Variants in PRKG1 observed in about 807,000 individuals in gnomAD.
PRKG1 encodes the protein protein kinase cGMP-dependent 1.
In PRKG1, 35 loss-of-function variants were observed where a neutral mutation model predicts 88.1. That is an observed-to-expected ratio of 0.40 (90% CI 0.30 to 0.53). The LOEUF (loss-of-function observed/expected upper bound fraction) is 0.53, where lower values mean the gene tolerates loss of function less well. PRKG1 is among the 20% of genes least tolerant of loss of function. The pLI, the probability that PRKG1 is intolerant of heterozygous loss-of-function variation, is 0.59. For synonymous variants in PRKG1, 303 were observed against 292.5 expected, an observed-to-expected ratio of 1.04 and a Z score of -0.37; for missense variants, 540 against 839.8, an observed-to-expected ratio of 0.64 and a Z score of 4.41.
chr10:51,671,155 T>C (rs567190660), intron 3 of PRKG1, among the ~76,000 whole-genome samples: 1 of 151,682 alleles, frequency 6.6e-6, no homozygotes, highest in South Asian at 2.1e-4. Flanking sequence ...AAGTAAGATC[T>C]TTCTTAAGTA....
chr10:51,884,726 G>A (rs1159030089), intron 4 of PRKG1, among the ~76,000 whole-genome samples: 1 of 152,104 alleles, frequency 6.6e-6, no homozygotes, highest in Non-Finnish European at 1.5e-5. Context: ...AGTAGTTTAG[G>A]ATGAGATTCT....
At chr10:51,707,488 C>T (rs1230427803) in intron 3 of PRKG1, among the ~76,000 whole-genome samples, 1 of 152,136 alleles carries the variant, frequency 6.6e-6, no homozygotes, top group Non-Finnish European at 1.5e-5. Flanking sequence ...AGGCTGTCAC[C>T]CGAAGGAACG....
intron 9 of PRKG1, among the ~76,000 whole-genome samples, chr10:52,203,649 T>C (rs1333438152): frequency 1.3e-5 from 2 of 152,232 alleles, no homozygotes; most frequent in East Asian, 3.8e-4. Flanking sequence ...TGGTTACCTG[T>C]TTCTTTGTAG....
At chr10:51,165,519 T>A (rs1042129189) in intron 2 of PRKG1, among the ~76,000 whole-genome samples, 2 of 152,132 alleles carry the variant, frequency 1.3e-5, no homozygotes, top group African/African-American at 4.8e-5. Context: ...AACATCATAA[T>A]GACAGGATCA....
chr10:51,198,218 C>T (rs1444578682), intron 2 of PRKG1, among the ~76,000 whole-genome samples: 2 of 152,106 alleles, frequency 1.3e-5, no homozygotes, highest in Non-Finnish European at 2.9e-5. Context: ...CTTTCTTAGA[C>T]TCAACTGGAG....
chr10:51,252,532 A>C (rs1262495351), intron 2 of PRKG1, among the ~76,000 whole-genome samples: 2 of 148,392 alleles, frequency 1.3e-5, no homozygotes, highest in Admixed American at 6.7e-5. Flanking sequence ...AATGCAAAAC[A>C]AAAAAAAATC....
chr10:51,925,135 T>G (rs1842545855), intron 5 of PRKG1, among the ~76,000 whole-genome samples: 1 of 152,072 alleles, frequency 6.6e-6, no homozygotes, highest in Non-Finnish European at 1.5e-5. Flanking sequence ...TCGTAATTTT[T>G]TTGAAATTTG....
intron 3 of PRKG1, among the ~76,000 whole-genome samples, chr10:51,537,116 G>C (rs1019792807): frequency 2.1e-4 from 32 of 152,188 alleles, no homozygotes; most frequent in African/African-American, 7.5e-4. Flanking sequence ...TGCAAAATGG[G>C]TTCTGACAGG....
intron 2 of PRKG1, among the ~76,000 whole-genome samples, chr10:51,161,679 A>AT (rs1469153454): frequency 6.6e-6 from 1 of 152,012 alleles, no homozygotes; most frequent in Non-Finnish European, 1.5e-5. Context: ...AAAGGTACAC[A>AT]TTTTTCCCAT....
Position 52,181,530 on chromosome 10 carries a change from C to T in PRKG1, c.1076+19567C>T, listed in dbSNP as rs111239703. On this transcript the variant is annotated intron_variant, in intron 9 of 17. Transcript: ENST00000373980. ...CATGTGCCATGCTGGTGCACTGCAC[C>T]CACTAATGTGTCATCTAGCATTAGG... Among the ~76,000 whole-genome samples, 1,008 of 121,124 alleles carry T rather than the reference C, an allele frequency of 8.3e-3. 23 individuals are homozygous for T. Among genetic ancestry groups the T allele is most frequent in the African/African-American group, 0.031 (951 of 30,958 alleles). The allele number at this position is 121,124 out of a possible 152,430, so 79.5% of individuals were successfully genotyped here.
At chr10:52,106,457 G>C (rs555972396) in intron 7 of PRKG1, among the ~76,000 whole-genome samples, 1 of 152,036 alleles carries the variant, frequency 6.6e-6, no homozygotes, top group Non-Finnish European at 1.5e-5. Flanking sequence ...GGTGAGAACA[G>C]TAACTTATGT....
At chr10:51,132,487 G>A (rs1416066033) in intron 1 of PRKG1, among the ~76,000 whole-genome samples, 1 of 151,914 alleles carries the variant, frequency 6.6e-6, no homozygotes, top group African/African-American at 2.4e-5. Context: ...GCTATTTCTT[G>A]TGTCTTCCCT....
intron 5 of PRKG1, among the ~76,000 whole-genome samples, chr10:51,991,097 T>A (rs184706980): frequency 4.6e-5 from 7 of 152,344 alleles, no homozygotes; most frequent in African/African-American, 1.4e-4. Context: ...TTATAGCCAT[T>A]GTAAATGGGA....
chr10:51,933,294 A>AG (rs1842733287), intron 5 of PRKG1, among the ~76,000 whole-genome samples: 5 of 152,196 alleles, frequency 3.3e-5, no homozygotes, highest in African/African-American at 1.2e-4. Context: ...TGAAATCCAG[A>AG]GTTTTTTTCA....
chr10:52,210,603 G>T (rs1839945603), intron 9 of PRKG1, among the ~76,000 whole-genome samples: 1 of 152,060 alleles, frequency 6.6e-6, no homozygotes, highest in South Asian at 2.1e-4. Context: ...CCATCACTGT[G>T]TGCAAATATT....
At chr10:51,253,912 G>C (rs779781235) in intron 2 of PRKG1, among the ~76,000 whole-genome samples, 1 of 151,858 alleles carries the variant, frequency 6.6e-6, no homozygotes, top group African/African-American at 2.4e-5. Context: ...GTTGCATATT[G>C]TTTTTCTGTT....
Position 51,540,890 on chromosome 10 carries a change from T to G in PRKG1, c.592+73054T>G, listed in dbSNP as rs11817942. 3.0e-3 allele frequency among the ~76,000 whole-genome samples: 456 copies of G among 152,240 alleles called. 1 individual carries two copies. Among genetic ancestry groups the G allele is most frequent in the African/African-American group, 0.01 (434 of 41,544 alleles). ...CGTGCCACCACTCCTGGCTAATTGTTATACTTTTAGAAGAGACGGGGTTTC... is the reference window on the plus strand; with the variant it reads ...CGTGCCACCACTCCTGGCTAATTGTGATACTTTTAGAAGAGACGGGGTTTC... On this transcript the variant is annotated intron_variant, in intron 3 of 17. Transcript: ENST00000373980.
chr10:51,898,452 C>T (rs973246919), intron 4 of PRKG1, among the ~76,000 whole-genome samples: 5 of 151,874 alleles, frequency 3.3e-5, no homozygotes, highest in African/African-American at 1.2e-4. Context: ...TCCTAAATGC[C>T]TAAAACAATT....
At chr10:51,786,431 A>C (rs563893626) in intron 3 of PRKG1, among the ~76,000 whole-genome samples, 2 of 152,116 alleles carry the variant, frequency 1.3e-5, no homozygotes, top group Non-Finnish European at 2.9e-5. Context: ...CTTTGTTTGC[A>C]TCAGGAATTT....
Sources: gnomAD v4.1 joint callset for allele counts (sites outside exome capture counted in the v4.1 genomes callset) on GRCh38, gnomAD v4.1.1 for gene constraint, MANE v1.5 for transcripts, NCBI Gene and HGNC (gene_info 2026-07-23, HGNC 2026-07-21) for gene names.